Variants in AP4S1 observed in about 807,000 individuals in gnomAD.
AP4S1 encodes adaptor related protein complex 4 subunit sigma 1.
In AP4S1, 23 loss-of-function variants were observed where a neutral mutation model predicts 19.8. The ratio of observed to expected loss-of-function variants is 1.16; its 90% CI spans 0.84 to 1.65. The LOEUF (loss-of-function observed/expected upper bound fraction) is 1.65, where lower values mean the gene tolerates loss of function less well. Ranked by LOEUF, AP4S1 falls within the 40% of genes most tolerant of loss-of-function variation. The probability of loss-of-function intolerance (pLI) is 0.00; values close to 1 mark genes in which losing one functional copy is unlikely to be tolerated. For synonymous variants in AP4S1, 46 were observed against 54.1 expected (o/e 0.85, Z 0.66); for missense variants, 166 against 172.8 (o/e 0.96, Z 0.22).
At chr14:31,085,626 G>C in intron 5 of AP4S1, 1 of 765,476 alleles carries the variant, frequency 1.3e-6, no homozygotes, top group Non-Finnish European at 1.6e-6. Flanking sequence ...AATTTAAAAA[G>C]CCAGGCATTG....
chr14:31,026,035 G>T, intron 1 of AP4S1: 1 of 1,537,190 alleles, frequency 6.5e-7, no homozygotes, highest in Non-Finnish European at 8.8e-7. Context: ...CCTGCCGCGG[G>T]ACCCGCTCCC....
At chr14:31,053,583 TTTTTTC>T (rs1885929874) in intron 1 of AP4S1, among the ~76,000 whole-genome samples, 2 of 133,624 alleles carry the variant, frequency 1.5e-5, no homozygotes, top group African/African-American at 5.6e-5. Flanking sequence ...TTTTAGTGAC[TTTTTTC>T]TTTTTTTTTT....
In AP4S1 at chr14:31,030,678, T is replaced by C. The variant is rs574574049; in HGVS notation, c.-72+4891T>C. Among the ~76,000 whole-genome samples, 6 of 152,198 alleles carry C rather than the reference T, an allele frequency of 3.9e-5. No homozygotes were observed. In the East Asian group the frequency reaches 1.2e-3, roughly 29 times the overall value. On this transcript the variant is annotated intron_variant, in intron 1 of 5. Transcript: ENST00000542754. ...TTTTTTATTTTTTAAGAAGTACTGA[T>C]TGGCTACGATTTTTCAGGTGCTCTA...
At position 31,080,585 on chromosome 14, in the gene AP4S1, G is replaced by A. The variant is rs377214517; in HGVS notation, c.306+1G>A. The A allele has an allele frequency of 1.2e-6, 2 of 1,613,356 alleles. No homozygotes were observed. The highest frequency in any genetic ancestry group is 1.3e-5 in the African/African-American group (1 of 75,036). On this transcript the variant is annotated splice_donor_variant, in intron 5 of 5. Coordinates refer to ENST00000542754, the MANE Select transcript of AP4S1 (RefSeq NM_001128126.3). LOFTEE classifies it high-confidence loss of function. ...TTCTGTCTTCCAGAGTGAATTAGAT[G>A]TATCCTTTTTCAATACTGTTTTCCA...
intron 1 of AP4S1, among the ~76,000 whole-genome samples, chr14:31,049,809 C>G (rs1032415009): frequency 1.3e-5 from 2 of 151,654 alleles, no homozygotes; most frequent in Non-Finnish European, 2.9e-5. Context: ...ATCATGTTGC[C>G]CAGTCTGATC....
Position 31,093,206 on chromosome 14 carries a change from TG to T in AP4S1, c.*172del. 1 of 594,074 alleles carries T rather than the reference TG, an allele frequency of 1.7e-6. No homozygotes were observed. The highest frequency in any genetic ancestry group is 2.6e-6 in the Non-Finnish European group (1 of 378,162). The allele number at this position is 594,074 out of a possible 1,614,324, so 36.8% of individuals were successfully genotyped here. ...ACAGTTCCTAAAAAGAAAACACAACTGTACTTTAAAATATGTACAAAGAAAA... is the reference window on the plus strand; with the variant it reads ...ACAGTTCCTAAAAAGAAAACACAACTTACTTTAAAATATGTACAAAGAAAA... On this transcript the variant is annotated 3_prime_UTR_variant, in exon 6 of 6. Transcript: ENST00000542754.
chr14:31,054,440 T>C (rs1885985017), intron 1 of AP4S1, among the ~76,000 whole-genome samples: 1 of 151,988 alleles, frequency 6.6e-6, no homozygotes. Context: ...TCCCAGCATT[T>C]TGGGAGGCCG....
At chr14:31,049,678 AC>A (rs1885669479) in intron 1 of AP4S1, among the ~76,000 whole-genome samples, 1 of 151,714 alleles carries the variant, frequency 6.6e-6, no homozygotes, top group Non-Finnish European at 1.5e-5. Context: ...TTATTTTGAA[AC>A]ACGGTCTTTC....
chr14:31,038,048 A>G (rs201986815), intron 1 of AP4S1, among the ~76,000 whole-genome samples: 1 of 152,206 alleles, frequency 6.6e-6, no homozygotes, highest in Admixed American at 6.5e-5. Context: ...CTTCTGGGCT[A>G]AGGACAACCA....
chr14:31,053,570 T>C (rs1271689588), intron 1 of AP4S1, among the ~76,000 whole-genome samples: 3 of 143,722 alleles, frequency 2.1e-5, no homozygotes, highest in African/African-American at 5.0e-5. Flanking sequence ...CTAAAACACA[T>C]CTTTTTAGTG....
At chr14:31,058,280 A>G (rs1344298112) in intron 1 of AP4S1, among the ~76,000 whole-genome samples, 1 of 152,024 alleles carries the variant, frequency 6.6e-6, no homozygotes, top group Non-Finnish European at 1.5e-5. Context: ...AAGCATGTTC[A>G]TGCTAATCCA....
At chr14:31,030,680 G>C (rs1013559151) in intron 1 of AP4S1, among the ~76,000 whole-genome samples, 2 of 151,920 alleles carry the variant, frequency 1.3e-5, no homozygotes, top group Admixed American at 1.3e-4. Context: ...AGTACTGATT[G>C]GCTACGATTT....
intron 1 of AP4S1, among the ~76,000 whole-genome samples, chr14:31,041,601 G>A (rs1003812472): frequency 6.6e-6 from 1 of 152,124 alleles, no homozygotes; most frequent in Admixed American, 6.5e-5. Flanking sequence ...CACCTCCTGG[G>A]AGCATCCCAG....
chr14:31,054,325 G>C (rs987597844), intron 1 of AP4S1, among the ~76,000 whole-genome samples: 3 of 152,154 alleles, frequency 2.0e-5, no homozygotes, highest in Non-Finnish European at 4.4e-5. Flanking sequence ...TAATAATTGA[G>C]TAAATAAACA....
intron 5 of AP4S1, among the ~76,000 whole-genome samples, chr14:31,088,740 G>A (rs892617887): frequency 1.1e-4 from 16 of 150,454 alleles, no homozygotes; most frequent in African/African-American, 3.9e-4. Context: ...CCTGGGAGGC[G>A]GAGGTTACAG....
At chr14:31,035,875 T>G (rs1033735079) in intron 1 of AP4S1, among the ~76,000 whole-genome samples, 1 of 151,730 alleles carries the variant, frequency 6.6e-6, no homozygotes, top group Non-Finnish European at 1.5e-5. Flanking sequence ...GGACTACAGG[T>G]GCCCGCCACA....
At chr14:31,076,799 G>A (rs1887381759) in intron 4 of AP4S1, among the ~76,000 whole-genome samples, 1 of 152,184 alleles carries the variant, frequency 6.6e-6, no homozygotes, top group African/African-American at 2.4e-5. Context: ...GATTTCTGTA[G>A]CTTTGTATCA....
At chr14:31,084,948 G>A (rs925342190) in intron 5 of AP4S1, 1 of 1,611,206 alleles carries the variant, frequency 6.2e-7, no homozygotes, top group Non-Finnish European at 8.5e-7. Context: ...CTTCAAATCA[G>A]TGCGTACCTG....
chr14:31,081,262 G>C (rs759015129), intron 5 of AP4S1, among the ~76,000 whole-genome samples: 36 of 152,276 alleles, frequency 2.4e-4, no homozygotes, highest in Admixed American at 6.5e-4. Flanking sequence ...GATTTCCAGG[G>C]TGCCAGGTCT....
Sources: allele counts gnomAD v4.1 joint callset (sites outside exome capture counted in the v4.1 genomes callset), GRCh38; gene constraint gnomAD v4.1.1; transcripts MANE v1.5; gene names NCBI Gene and HGNC (gene_info 2026-07-23, HGNC 2026-07-21).